NDE1: variants seen among roughly 807,000 people sequenced by gnomAD.
NDE1 encodes nuclear distribution protein nudE homolog 1.
Under a neutral mutation model 43.4 loss-of-function variants are expected in NDE1, and 28 were observed. The observed-to-expected ratio is 0.65, with a 90% confidence interval of 0.48 to 0.89. NDE1 has a LOEUF of 0.89. Among genes scored for constraint, NDE1 ranks in the 40% least tolerant of loss-of-function variants. The pLI, the probability that NDE1 is intolerant of heterozygous loss-of-function variation, is 0.00. For missense variants in NDE1, 441 were observed against 434.1 expected (o/e 1.02, Z -0.14); for synonymous variants, 184 against 172.0 (o/e 1.07, Z -0.55).
intron 8 of NDE1, chr16:15,701,657 T>C (rs1205201933): frequency 6.6e-6 from 1 of 152,230 alleles, no homozygotes; most frequent in Non-Finnish European, 1.5e-5. Context: ...CTGCTGTCTC[T>C]TTGGGACACG....
At chr16:15,709,408 G>A (rs1023919278) in intron 8 of NDE1, among the ~76,000 whole-genome samples, 7 of 151,548 alleles carry the variant, frequency 4.6e-5, no homozygotes, top group Non-Finnish European at 8.8e-5. Context: ...TCCACCTCCC[G>A]GGTTCAAGCG....
intron 2 of NDE1, among the ~76,000 whole-genome samples, chr16:15,666,114 C>A (rs1418461990): frequency 1.3e-5 from 2 of 152,052 alleles, no homozygotes; most frequent in African/African-American, 4.8e-5. Context: ...CTGGTAAGTT[C>A]TTTGTGCACA....
chr16:15,719,710 G>C (rs1192375006), intron 8 of NDE1: 1 of 1,614,118 alleles, frequency 6.2e-7, no homozygotes, highest in Non-Finnish European at 8.5e-7. Flanking sequence ...TCCTTCATCT[G>C]AGCCTGCATG....
intron 8 of NDE1, chr16:15,704,223 G>A (rs2039331406): frequency 7.0e-7 from 1 of 1,434,768 alleles, no homozygotes; most frequent in African/African-American, 1.4e-5. Flanking sequence ...TAGTCCTATT[G>A]CAATATAAAT....
At position 15,650,411 on chromosome 16, in the gene NDE1, AG is replaced by A. The variant is rs921877320; in HGVS notation, c.-44+120del. 2.5e-5 allele frequency: 4 copies of A among 162,174 alleles called. No homozygotes were observed. The Admixed American group carries it at 2.6e-4, about 11-fold the overall frequency. The allele number at this position is 162,174 out of a possible 1,614,324, so 10.0% of individuals were successfully genotyped here. ...CCGGGACCCCGGGCCACCGCCTGGC[AG>A]GGACCCCTACGCCCCTCGCTTGCGC... is the stretch of plus-strand genomic sequence containing the variant. On this transcript the variant is annotated intron_variant, in intron 1 of 8. Coordinates refer to ENST00000396354, the MANE Select transcript of NDE1 (RefSeq NM_017668.3).
At position 15,694,184 on chromosome 16, in the gene NDE1, G is replaced by A. The variant is rs570994490; in HGVS notation, c.723G>A (p.Gly241=). The change falls in exon 7 of 9, where the codon GGG becomes GGA. Residue 241 remains glycine (G), a synonymous_variant. Transcript: ENST00000396354. ...SFRRGLDDST[G]GTPLTPAARI... is the part of the protein sequence containing the mutation. ...ACCCAGGCCTGGACGACTCCACCGG[G>A]GGGACCCCCCTCACACCTGCGGCCC... is the stretch of plus-strand genomic sequence containing the variant. 1.2e-6 allele frequency: 2 copies of A among 1,612,878 alleles called. No homozygotes were observed. The highest frequency in any genetic ancestry group is 1.9e-4 in the Middle Eastern group (1 of 5,166).
chr16:15,722,903 C>G (rs1189987482), intron 8 of NDE1, among the ~76,000 whole-genome samples: 1 of 152,098 alleles, frequency 6.6e-6, no homozygotes, highest in African/African-American at 2.4e-5. Flanking sequence ...GCCACCACGC[C>G]CGGCTAATTT....
upstream of NDE1, chr16:15,649,332 T>C (rs979749941): frequency 6.6e-6 from 1 of 152,242 alleles, no homozygotes; most frequent in African/African-American, 2.4e-5. Flanking sequence ...GTTTGTTTGT[T>C]TGTCTGTTCT....
At chr16:15,719,819 C>A in intron 8 of NDE1, 1 of 1,498,024 alleles carries the variant, frequency 6.7e-7, no homozygotes, top group Non-Finnish European at 9.2e-7. Context: ...TGCAGTTGAC[C>A]ACAAAGAAGT....
intron 1 of NDE1, among the ~76,000 whole-genome samples, chr16:15,658,497 A>T (rs1353641772): frequency 6.6e-6 from 1 of 152,112 alleles, no homozygotes; most frequent in Non-Finnish European, 1.5e-5. Context: ...GCCTCTTCCC[A>T]GGTGTGGAGG....
intron 8 of NDE1, chr16:15,703,811 T>G: frequency 2.4e-6 from 2 of 819,714 alleles, no homozygotes; most frequent in Non-Finnish European, 4.0e-6. Context: ...TGGAGGGTGG[T>G]GGTTTTTATA....
At chr16:15,690,151 T>TGTCCCCCAGGCTCA (rs2038660434) in intron 5 of NDE1, among the ~76,000 whole-genome samples, 9 of 151,648 alleles carry the variant, frequency 5.9e-5, no homozygotes, top group Non-Finnish European at 1.5e-5. Flanking sequence ...CTCAAGCGAT[T>TGTCCCCCAGGCTCA]GTCTTGCCTC....
At chr16:15,704,659 CAG>C (rs1043158380) in intron 8 of NDE1, among the ~76,000 whole-genome samples, 2 of 152,148 alleles carry the variant, frequency 1.3e-5, no homozygotes, top group African/African-American at 4.8e-5. Flanking sequence ...GAGAAGGACA[CAG>C]AGGGGCTCCC....
Position 15,724,963 on chromosome 16 carries a change from A to T in NDE1, c.*712A>T. 6.2e-7 allele frequency: 1 copy of T among 1,614,028 alleles called. No individual in the cohort carries two copies. The highest frequency in any genetic ancestry group is 1.1e-5 in the South Asian group (1 of 91,068). ...TAATGGCCTTCCCCTCGGCCTCGTT[A>T]AGCATCCCTGTGACGCTCTCAACTT... On this transcript the variant is annotated 3_prime_UTR_variant, in exon 9 of 9. Transcript: ENST00000396354.
chr16:15,720,587 GAAAA>G (rs79015002), intron 8 of NDE1, among the ~76,000 whole-genome samples: 4 of 138,776 alleles, frequency 2.9e-5, no homozygotes, highest in Non-Finnish European at 6.3e-5. Context: ...TGTCTCCACT[GAAAA>G]AAAAAAAAAA....
chr16:15,705,045 T>A (rs1217588016), intron 8 of NDE1, among the ~76,000 whole-genome samples: 1 of 152,188 alleles, frequency 6.6e-6, no homozygotes, highest in Non-Finnish European at 1.5e-5. Context: ...AGTGGCATGA[T>A]CTTGGCTCAC....
rs886051755 is a variant in NDE1, at chr16:15,726,208, TTTCCC to T, written c.*1973_*1977del. 65 of 155,022 alleles carry T rather than the reference TTTCCC, an allele frequency of 4.2e-4. No homozygotes were observed. The highest frequency in any genetic ancestry group is 1.7e-3 in the East Asian group (9 of 5,270). The allele number at this position is 155,022 out of a possible 1,614,324, so 9.6% of individuals were successfully genotyped here. The stretch of plus-strand genomic sequence containing the variant: ...ATTCATTTGTGTGATTATTCATGTC[TTTCCC>T]TTCCCTTCCCTTCCCCTTACTCGGC... On this transcript the variant is annotated 3_prime_UTR_variant, in exon 9 of 9. Transcript: ENST00000396354.
intron 8 of NDE1, chr16:15,718,954 C>G: frequency 6.3e-6 from 3 of 476,372 alleles, no homozygotes; most frequent in Non-Finnish European, 1.1e-5. Flanking sequence ...ATGGTGAAAC[C>G]CCACCTCTAC....
intron 6 of NDE1, among the ~76,000 whole-genome samples, chr16:15,693,104 C>T (rs2038833824): frequency 6.6e-6 from 1 of 151,256 alleles, no homozygotes; most frequent in Non-Finnish European, 1.5e-5. Flanking sequence ...TGGATTCAAG[C>T]GATTCTCATG....
Sources: gnomAD v4.1 joint callset for allele counts (sites outside exome capture counted in the v4.1 genomes callset) on GRCh38, gnomAD v4.1.1 for gene constraint, MANE v1.5 for transcripts, NCBI Gene and HGNC (gene_info 2026-07-23, HGNC 2026-07-21) for gene names.